The following CUBN variants were observed in gnomAD, a reference collection of about 807,000 sequenced individuals.
The protein encoded by CUBN is 460 kDa receptor.
Under a neutral mutation model 405.3 loss-of-function variants are expected in CUBN, and 282 were observed. The ratio of observed to expected loss-of-function variants is 0.70; its 90% CI spans 0.63 to 0.77. The LOEUF is 0.77. Among genes scored for constraint, CUBN ranks in the 30% least tolerant of loss-of-function variants. The pLI, the probability that CUBN is intolerant of heterozygous loss-of-function variation, is 0.00. For synonymous variants in CUBN, 1,684 were observed against 1,617.0 expected (o/e 1.04, Z -0.99); for missense variants, 4,514 against 4,475.2 (o/e 1.01, Z -0.25).
rs138710107 is a variant in CUBN, at chr10:16,868,865, C to A, written c.9454+771G>T. On this transcript the variant is annotated intron_variant, in intron 59 of 66. Coordinates refer to ENST00000377833, the MANE Select transcript of CUBN (RefSeq NM_001081.4). ...AACAGGTCTTCCAACTTAAAATACT[C>A]CAAATTAAATAAAACATTTCTCCCT... Among the ~76,000 whole-genome samples the A allele has an allele frequency of 5.3e-3, 801 of 152,278 alleles. 8 individuals are homozygous for A. The highest frequency in any genetic ancestry group is 0.018 in the African/African-American group (768 of 41,560).
chr10:17,019,800 T>G, intron 28 of CUBN, 33 bp downstream of exon 28: 1 of 1,613,938 alleles, frequency 6.2e-7, no homozygotes, highest in Non-Finnish European at 8.5e-7. Context: ...AAATAGCAAC[T>G]GCAAATACAA....
chr10:16,856,401 T>C (rs1839869766), intron 59 of CUBN, among the ~76,000 whole-genome samples: 1 of 152,178 alleles, frequency 6.6e-6, no homozygotes, highest in African/African-American at 2.4e-5. Context: ...AATACATGTT[T>C]TGGCTAAAGA....
At chr10:16,869,472 A>G (rs1840284492) in intron 59 of CUBN, among the ~76,000 whole-genome samples, 164 bp downstream of exon 59, 1 of 140,844 alleles carries the variant, frequency 7.1e-6, no homozygotes, top group Non-Finnish European at 1.5e-5. Flanking sequence ...ACATTAAAAT[A>G]TGTCATACGT....
At chr10:17,102,250 C>G (rs938686529) in intron 13 of CUBN, among the ~76,000 whole-genome samples, 10 of 134,306 alleles carry the variant, frequency 7.4e-5, no homozygotes, top group African/African-American at 2.7e-4. Flanking sequence ...AAGGAGGATC[C>G]TCCTATTTAT....
chr10:17,063,346 G>A (rs1835543587), intron 22 of CUBN, among the ~76,000 whole-genome samples: 1 of 152,184 alleles, frequency 6.6e-6, no homozygotes, highest in Non-Finnish European at 1.5e-5. Flanking sequence ...CCCAGGGACA[G>A]AAAGCAAACA....
intron 32 of CUBN, 150 bp downstream of exon 32, chr10:16,954,239 G>T: frequency 1.1e-6 from 1 of 936,810 alleles, no homozygotes; most frequent in Non-Finnish European, 1.7e-6. Context: ...TGGGATAATT[G>T]TAAGTCACAG....
intron 22 of CUBN, among the ~76,000 whole-genome samples, chr10:17,051,817 T>G (rs1442733901): frequency 6.6e-6 from 1 of 150,850 alleles, no homozygotes; most frequent in African/African-American, 2.4e-5. Context: ...AAACAACAAA[T>G]AGGTTAACAC....
chr10:16,980,965 G>A (rs1427794086), intron 31 of CUBN, among the ~76,000 whole-genome samples: 1 of 152,062 alleles, frequency 6.6e-6, no homozygotes, highest in Admixed American at 6.6e-5. Context: ...GTTTCAGGTA[G>A]GAATGCATTA....
intron 40 of CUBN, among the ~76,000 whole-genome samples, chr10:16,929,884 T>C (rs1842315512): frequency 6.6e-6 from 1 of 152,222 alleles, no homozygotes; most frequent in East Asian, 1.9e-4. Context: ...TTGATTTTGA[T>C]TTCTTTTCTA....
At chr10:16,940,818 A>G in intron 36 of CUBN, among the ~76,000 whole-genome samples, 1 of 152,192 alleles carries the variant, frequency 6.6e-6, no homozygotes. Flanking sequence ...AGAAACCATT[A>G]AAACATGTAA....
chr10:16,903,210 G>A (rs1210758311), intron 51 of CUBN, among the ~76,000 whole-genome samples: 1 of 152,140 alleles, frequency 6.6e-6, no homozygotes, highest in African/African-American at 2.4e-5. Context: ...CTCAATGGAT[G>A]CAGAAAATCA....
chr10:16,825,945 A>G (rs1223833440), intron 66 of CUBN, among the ~76,000 whole-genome samples: 2 of 152,148 alleles, frequency 1.3e-5, no homozygotes, highest in African/African-American at 4.8e-5. Context: ...GGAATATACA[A>G]TATTTTTATT....
At chr10:16,857,398 G>A (rs1472038355) in intron 59 of CUBN, among the ~76,000 whole-genome samples, 1 of 152,150 alleles carries the variant, frequency 6.6e-6, no homozygotes, top group Non-Finnish European at 1.5e-5. Flanking sequence ...TAGAAAAAGA[G>A]CAATACTTGT....
chr10:16,928,210 A>AAGCGGATGAACATGTACTCTCC lies in CUBN; in HGVS notation c.6196_6217dup (p.Phe2073TrpfsTer70). Reference sequence around the variant, plus strand: ...CCTGGTTACACTGGAGTCCGAGGTGAAGCGGATGAACATGTACTCTCCAGT... The same window carrying AAGCGGATGAACATGTACTCTCC: ...CCTGGTTACACTGGAGTCCGAGGTGAAGCGGATGAACATGTACTCTCCAGCGGATGAACATGTACTCTCCAGT... On this transcript the variant is annotated frameshift_variant, in exon 41 of 67. Transcript: ENST00000377833. LOFTEE classifies it high-confidence loss of function. 5.6e-6 allele frequency: 9 copies of AAGCGGATGAACATGTACTCTCC among 1,614,058 alleles called. No homozygotes were observed. Among genetic ancestry groups the AAGCGGATGAACATGTACTCTCC allele is most frequent in the Non-Finnish European group, 7.6e-6 (9 of 1,179,936 alleles).
Position 16,898,066 on chromosome 10 carries a change from G to GTATATATATA in CUBN, c.8598+920_8598+929dup, listed in dbSNP as rs10551726. Among the ~76,000 whole-genome samples the GTATATATATA allele has an allele frequency of 4.0e-3, 579 of 145,002 alleles. 12 individuals are homozygous for GTATATATATA. The highest frequency in any genetic ancestry group is 0.013 in the African/African-American group (508 of 39,258). ...GTATATTAAATGTATTTTATTATAT[G>GTATATATATA]TATATATATATATATATATATGTTA... On this transcript the variant is annotated intron_variant, in intron 54 of 66. Coordinates refer to ENST00000377833, the MANE Select transcript of CUBN (RefSeq NM_001081.4).
At chr10:16,938,566 C>A (rs1228686096) in intron 38 of CUBN, among the ~76,000 whole-genome samples, 1 of 151,986 alleles carries the variant, frequency 6.6e-6, no homozygotes, top group Non-Finnish European at 1.5e-5. Context: ...ATATGGTAGC[C>A]AATGTCTGGA....
chr10:16,849,853 A>T (rs1349608725), intron 60 of CUBN, among the ~76,000 whole-genome samples: 1 of 151,822 alleles, frequency 6.6e-6, no homozygotes. Context: ...TGCTGTTGTC[A>T]CCTCACTCAT....
chr10:17,008,290 G>A, intron 28 of CUBN, among the ~76,000 whole-genome samples: 1 of 143,020 alleles, frequency 7.0e-6, no homozygotes, highest in East Asian at 2.1e-4. Flanking sequence ...AGCACTGAGA[G>A]TAATTTTTAC....
intron 36 of CUBN, among the ~76,000 whole-genome samples, chr10:16,945,863 GT>G (rs2131616758): frequency 6.7e-6 from 1 of 149,984 alleles, no homozygotes; most frequent in African/African-American, 2.4e-5. Context: ...GGGTGTCTTT[GT>G]TTTAACACAA....
Sources: gnomAD v4.1 joint callset for allele counts (sites outside exome capture counted in the v4.1 genomes callset) on GRCh38, gnomAD v4.1.1 for gene constraint, MANE v1.5 for transcripts, NCBI Gene and HGNC (gene_info 2026-07-23, HGNC 2026-07-21) for gene names.